Variants in ILDR1 observed in about 807,000 individuals in gnomAD.
ILDR1 encodes immunoglobulin-like domain-containing receptor 1.
Under a neutral mutation model 62.4 loss-of-function variants are expected in ILDR1, and 56 were observed. The observed-to-expected ratio is 0.90, with a 90% CI of 0.72 to 1.12. The LOEUF is 1.12. Ranked by LOEUF, ILDR1 falls within the 50% of genes most tolerant of loss-of-function variation. The pLI is 0.00. For missense variants in ILDR1, 736 were observed against 710.6 expected (o/e 1.04, Z -0.41); for synonymous variants, 284 against 277.8 (o/e 1.02, Z -0.22).
At chr3:122,017,426 A>G (rs1300608392) in intron 1 of ILDR1, among the ~76,000 whole-genome samples, 1 of 152,242 alleles carries the variant, frequency 6.6e-6, no homozygotes, top group Non-Finnish European at 1.5e-5. Context: ...TTATTATGGT[A>G]AAAGAAACCC....
At chr3:122,037,256 C>G in the ILDR1 span, among the ~76,000 whole-genome samples, 1 of 152,166 alleles carries the variant, frequency 6.6e-6, no homozygotes, top group Admixed American at 6.5e-5. Flanking sequence ...GGTAGGCCCA[C>G]CAACAGCTCA....
the ILDR1 span, among the ~76,000 whole-genome samples, chr3:122,032,628 G>A: frequency 6.6e-6 from 1 of 152,188 alleles, no homozygotes; most frequent in African/African-American, 2.4e-5. Flanking sequence ...CTTGCTTCTA[G>A]TACATAGAAT....
At chr3:122,029,511 A>ATATATATATATATATATATATAT in the ILDR1 span, among the ~76,000 whole-genome samples, 15 of 139,486 alleles carry the variant, frequency 1.1e-4, no homozygotes, top group African/African-American at 4.3e-4. Context: ...GTCTAAAAAA[A>ATATATATATATATATATATATAT]ATATATATAT....
At chr3:121,996,480 C>G (rs1422455172) in intron 5 of ILDR1, among the ~76,000 whole-genome samples, 2 of 152,312 alleles carry the variant, frequency 1.3e-5, no homozygotes, top group African/African-American at 4.8e-5. Flanking sequence ...TGCGTGCCTT[C>G]CCCTGCATCC....
Position 121,994,243 on chromosome 3 carries a change from G to A in ILDR1, c.717C>T (p.Tyr239=), listed in dbSNP as rs1402512616. 2.0e-6 allele frequency: 3 copies of A among 1,536,066 alleles called. No homozygotes were observed. Among genetic ancestry groups the A allele is most frequent in the South Asian group, 2.4e-5 (2 of 84,056 alleles). ...CCTGGGAGCTCCTGTCCGCCCCCCA[G>A]TACAGGGGTTTTCCCATCATCTGAG... The part of the protein sequence containing the change: ...LGPQMMGKPL[Y]WGADRSSQVS... Residue 239 remains tyrosine (Y), a synonymous_variant, in exon 6 of 8, where the codon TAC becomes TAT. Coordinates refer to ENST00000344209, the MANE Select transcript of ILDR1 (RefSeq NM_001199799.2).
the ILDR1 span, among the ~76,000 whole-genome samples, chr3:122,041,224 C>A: frequency 5.7e-4 from 87 of 152,162 alleles, no homozygotes; most frequent in Non-Finnish European, 1.2e-3. Context: ...GGAGATGGGG[C>A]CTAATGGGAT....
At chr3:122,027,696 TAGA>T in the ILDR1 span, among the ~76,000 whole-genome samples, 1 of 152,174 alleles carries the variant, frequency 6.6e-6, no homozygotes, top group Admixed American at 6.5e-5. Flanking sequence ...CAAGACAATT[TAGA>T]AGAAGAAGAA....
chr3:122,055,262 AC>A, the ILDR1 span: 3 of 524,932 alleles, frequency 5.7e-6, no homozygotes, highest in Non-Finnish European at 1.0e-5. Context: ...ATGAGTTTAA[AC>A]TGCAAGGAAA....
intron 3 of ILDR1, 65 bp from the exon 4 acceptor site, chr3:122,001,929 C>T: frequency 6.3e-7 from 1 of 1,583,696 alleles, no homozygotes; most frequent in Non-Finnish European, 8.6e-7. Context: ...TAACCCATGA[C>T]ACCCTCAAGA....
At chr3:122,049,385 G>C in the ILDR1 span, among the ~76,000 whole-genome samples, 1 of 152,272 alleles carries the variant, frequency 6.6e-6, no homozygotes, top group Non-Finnish European at 1.5e-5. Flanking sequence ...ATGTTTATCA[G>C]GTCCATTTGG....
chr3:122,020,489 A>G (rs749032034), intron 1 of ILDR1, among the ~76,000 whole-genome samples: 2 of 152,242 alleles, frequency 1.3e-5, no homozygotes, highest in Non-Finnish European at 2.9e-5. Context: ...TGAAATATCA[A>G]TTTCTCATCT....
chr3:122,060,859 G>A, the ILDR1 span, among the ~76,000 whole-genome samples: 1 of 152,038 alleles, frequency 6.6e-6, no homozygotes, highest in African/African-American at 2.4e-5. Flanking sequence ...TGAATCTGGT[G>A]AGATAAAGAA....
At chr3:122,046,305 C>T in the ILDR1 span, among the ~76,000 whole-genome samples, 1 of 150,338 alleles carries the variant, frequency 6.7e-6, no homozygotes, top group Admixed American at 6.6e-5. Context: ...GTCTGATGGG[C>T]TTCCCTTTGA....
the ILDR1 span, among the ~76,000 whole-genome samples, chr3:122,050,500 C>T: frequency 1.1e-4 from 16 of 151,832 alleles, no homozygotes; most frequent in East Asian, 7.7e-4. Flanking sequence ...TTTTTAAAGC[C>T]GATAAAACTT....
chr3:122,046,617 T>A, the ILDR1 span, among the ~76,000 whole-genome samples: 24 of 151,338 alleles, frequency 1.6e-4, no homozygotes, highest in Non-Finnish European at 2.8e-4. Context: ...TTTGCTCGTT[T>A]CTTTTTATTC....
At position 121,991,229 on chromosome 3, in the gene ILDR1, G is replaced by A. The variant is rs969137779; in HGVS notation, c.1599+1921C>T. Among the ~76,000 whole-genome samples, 17 of 152,074 alleles carry A rather than the reference G, an allele frequency of 1.1e-4. 1 individual carries two copies. Among genetic ancestry groups the A allele is most frequent in the African/African-American group, 3.6e-4 (15 of 41,476 alleles). On this transcript the variant is annotated intron_variant, in intron 7 of 7. Coordinates refer to ENST00000344209, the MANE Select transcript of ILDR1 (RefSeq NM_001199799.2). The stretch of plus-strand genomic sequence containing the variant: ...GAAAAAAAAAAGAAAGCCTGGAAAG[G>A]GCTTAAAGGGCTTATCCAGTGTCTG...
At chr3:121,991,156 C>T (rs1172635334) in intron 7 of ILDR1, among the ~76,000 whole-genome samples, 1 of 151,984 alleles carries the variant, frequency 6.6e-6, no homozygotes, top group African/African-American at 2.4e-5. Context: ...GCCGAGATTG[C>T]ACCACTGCCC....
intron 1 of ILDR1, among the ~76,000 whole-genome samples, chr3:122,018,330 G>T (rs1576737250): frequency 6.8e-6 from 1 of 147,218 alleles, no homozygotes; most frequent in East Asian, 2.1e-4. Context: ...TCATAAGTGG[G>T]AGTTGAATAA....
chr3:122,032,553 A>T, the ILDR1 span, among the ~76,000 whole-genome samples: 1 of 152,086 alleles, frequency 6.6e-6, no homozygotes, highest in Non-Finnish European at 1.5e-5. Context: ...AAATTCTTCA[A>T]CCCTCCTCCC....
Sources: gnomAD v4.1 joint callset for allele counts (sites outside exome capture counted in the v4.1 genomes callset) on GRCh38, gnomAD v4.1.1 for gene constraint, MANE v1.5 for transcripts, NCBI Gene and HGNC (gene_info 2026-07-23, HGNC 2026-07-21) for gene names.